MLIP: variants seen among roughly 807,000 people sequenced by gnomAD.
The protein encoded by MLIP is muscular LMNA interacting protein, also known as muscular LMNA-interacting protein.
MLIP carries 79 observed loss-of-function variants against 84.8 expected under a neutral mutation model. The observed-to-expected ratio is 0.93, with a 90% confidence interval of 0.78 to 1.12. The LOEUF is 1.12. Ranked by LOEUF, MLIP falls within the 50% of genes most tolerant of loss-of-function variation. MLIP has a pLI of 0.00. For synonymous variants in MLIP, 504 were observed against 463.0 expected (o/e 1.09, Z -1.14); for missense variants, 1,257 against 1,160.6 (o/e 1.08, Z -1.21).
At chr6:54,204,987 C>G (rs545029428) in intron 11 of MLIP, among the ~76,000 whole-genome samples, 1 of 152,156 alleles carries the variant, frequency 6.6e-6, no homozygotes, top group African/African-American at 2.4e-5. Flanking sequence ...TTCCAAAGGT[C>G]CCCTGGCCTT....
At chr6:54,144,587 A>C (rs914296826) in intron 4 of MLIP, among the ~76,000 whole-genome samples, 3 of 152,156 alleles carry the variant, frequency 2.0e-5, no homozygotes, top group Non-Finnish European at 4.4e-5. Flanking sequence ...TTGCACTCCT[A>C]TGAGAATCTA....
intron 4 of MLIP, among the ~76,000 whole-genome samples, chr6:54,145,182 GT>G (rs764761989): frequency 1.6e-4 from 24 of 152,286 alleles, no homozygotes; most frequent in Admixed American, 7.2e-4. Context: ...ATTAGCTAAT[GT>G]TTACTCTAAC....
intron 5 of MLIP, among the ~76,000 whole-genome samples, chr6:54,153,270 A>G: frequency 6.6e-6 from 1 of 152,178 alleles, no homozygotes; most frequent in East Asian, 1.9e-4. Context: ...AAAAAGAAAA[A>G]GGCAAAATTT....
intron 11 of MLIP, among the ~76,000 whole-genome samples, chr6:54,210,361 C>G (rs1264127288): frequency 6.6e-6 from 1 of 151,974 alleles, no homozygotes; most frequent in South Asian, 2.1e-4. Flanking sequence ...TATGAACTTA[C>G]AAGGAGGGGC....
intron 4 of MLIP, among the ~76,000 whole-genome samples, chr6:54,139,103 A>G (rs1279306010): frequency 6.6e-6 from 1 of 152,224 alleles, no homozygotes; most frequent in African/African-American, 2.4e-5. Flanking sequence ...TACCTGCTAT[A>G]TGTGTACCAC....
At chr6:54,220,164 A>T (rs1475159693) in intron 11 of MLIP, among the ~76,000 whole-genome samples, 5 of 152,192 alleles carry the variant, frequency 3.3e-5, no homozygotes, top group African/African-American at 1.2e-4. Flanking sequence ...GATTAAAACA[A>T]TTTAAAATAT....
chr6:54,205,753 T>A (rs1266175053), intron 11 of MLIP, among the ~76,000 whole-genome samples: 1 of 152,214 alleles, frequency 6.6e-6, no homozygotes, highest in Non-Finnish European at 1.5e-5. Context: ...CCAGGAAGCA[T>A]CATTGTATAT....
chr6:54,198,221 G>A (rs1778433872), intron 10 of MLIP, among the ~76,000 whole-genome samples: 1 of 152,114 alleles, frequency 6.6e-6, no homozygotes, highest in Admixed American at 6.6e-5. Flanking sequence ...CGGGCACTGA[G>A]CTTTGGCACT....
chr6:54,063,035 C>T (rs1457879413), intron 1 of MLIP, among the ~76,000 whole-genome samples: 1 of 151,908 alleles, frequency 6.6e-6, no homozygotes, highest in African/African-American at 2.4e-5. Flanking sequence ...ATCCCCGTCT[C>T]TACTAAAAAT....
In MLIP at chr6:54,137,350, C is replaced by T; in HGVS notation, c.1281C>T (p.His427=). The change falls in exon 4 of 14, where the codon CAC becomes CAT. Residue 427 remains histidine (H), a synonymous_variant. Coordinates refer to ENST00000502396, the MANE Select transcript of MLIP (RefSeq NM_001281747.2). The part of the protein sequence containing the change: ...LTAILKSNPS[H]QRPFSPASCP... The stretch of plus-strand genomic sequence containing the variant: ...CCATTCTCAAGTCAAACCCTTCCCA[C>T]CAAAGACCCTTTTCCCCTGCATCCT... 6.5e-7 allele frequency: 1 copy of T among 1,536,102 alleles called. No homozygotes were observed. The highest frequency in any genetic ancestry group is 8.7e-7 in the Non-Finnish European group (1 of 1,146,902).
At chr6:54,057,727 C>CT (rs1385891615) in intron 1 of MLIP, among the ~76,000 whole-genome samples, 22 of 152,012 alleles carry the variant, frequency 1.4e-4, no homozygotes, top group African/African-American at 5.3e-4. Flanking sequence ...TTTTCTTTTT[C>CT]TTTTTAAACA....
intron 12 of MLIP, among the ~76,000 whole-genome samples, chr6:54,237,429 C>T (rs960877221): frequency 6.6e-6 from 1 of 152,040 alleles, no homozygotes; most frequent in African/African-American, 2.4e-5. Context: ...ACGTTAAGGA[C>T]TGAGAAGGTA....
At chr6:54,178,235 GA>G (rs1297116181) in intron 9 of MLIP, among the ~76,000 whole-genome samples, 4 of 151,936 alleles carry the variant, frequency 2.6e-5, no homozygotes, top group African/African-American at 4.8e-5. Context: ...AGTACATAAG[GA>G]AAAAAATTCT....
intron 10 of MLIP, among the ~76,000 whole-genome samples, chr6:54,201,197 C>A (rs1276730757): frequency 3.3e-5 from 5 of 152,178 alleles, no homozygotes; most frequent in Non-Finnish European, 5.9e-5. Context: ...CAAATCGACA[C>A]TGGGTACAAG....
chr6:54,079,084 T>C (rs1046394839), intron 1 of MLIP, among the ~76,000 whole-genome samples: 1 of 152,210 alleles, frequency 6.6e-6, no homozygotes, highest in African/African-American at 2.4e-5. Context: ...AGGGACATAA[T>C]TACACTAAAA....
chr6:54,229,277 A>C (rs1296152176), intron 11 of MLIP, among the ~76,000 whole-genome samples: 1 of 152,210 alleles, frequency 6.6e-6, no homozygotes, highest in Admixed American at 6.5e-5. Context: ...GAAAAATTCC[A>C]AAATTGTCAA....
intron 1 of MLIP, among the ~76,000 whole-genome samples, chr6:54,052,309 C>A (rs1268971993): frequency 3.3e-5 from 5 of 152,118 alleles, no homozygotes; most frequent in Non-Finnish European, 1.5e-5. Flanking sequence ...ATCAGGAAAG[C>A]ACATTAAACT....
intron 11 of MLIP, among the ~76,000 whole-genome samples, chr6:54,223,643 C>A (rs1282628712): frequency 6.6e-6 from 1 of 152,004 alleles, no homozygotes; most frequent in Non-Finnish European, 1.5e-5. Context: ...ACTTTGAAAT[C>A]ACAAAATGTG....
intron 1 of MLIP, among the ~76,000 whole-genome samples, chr6:54,098,707 G>A (rs969963122): frequency 1.3e-5 from 2 of 152,044 alleles, no homozygotes; most frequent in African/African-American, 4.8e-5. Flanking sequence ...AATAGTGAAC[G>A]AGCTGTTTAA....
Sources: allele counts gnomAD v4.1 joint callset (sites outside exome capture counted in the v4.1 genomes callset), GRCh38; gene constraint gnomAD v4.1.1; transcripts MANE v1.5; gene names NCBI Gene and HGNC (gene_info 2026-07-23, HGNC 2026-07-21).